Variants in NTM observed in about 807,000 individuals in gnomAD.
NTM encodes the protein neurotrimin.
In NTM, 13 loss-of-function variants were observed where a neutral mutation model predicts 42.1. That is an observed-to-expected ratio of 0.31 (90% CI 0.20 to 0.49). The LOEUF (loss-of-function observed/expected upper bound fraction) is 0.49. NTM is among the 20% of genes least tolerant of loss of function. The pLI, the probability that NTM is intolerant of heterozygous loss-of-function variation, is 0.99. For synonymous variants in NTM, 187 were observed against 179.2 expected (o/e 1.04, Z -0.35); for missense variants, 373 against 452.8 (o/e 0.82, Z 1.60).
intron 2 of NTM, among the ~76,000 whole-genome samples, chr11:132,124,826 A>G (rs1283112757): frequency 6.6e-6 from 1 of 152,162 alleles, no homozygotes; most frequent in Non-Finnish European, 1.5e-5. Context: ...CAAAAACAAA[A>G]AAACAACAAC....
At chr11:131,660,215 A>G (rs377575204) in intron 1 of NTM, 6 of 294,086 alleles carry the variant, frequency 2.0e-5, no homozygotes, top group South Asian at 1.7e-4. Context: ...TCATGTATTG[A>G]GGCAGGGGAC....
At chr11:132,140,801 G>A (rs539728059) in intron 2 of NTM, among the ~76,000 whole-genome samples, 15 of 152,204 alleles carry the variant, frequency 9.9e-5, no homozygotes, top group African/African-American at 2.7e-4. Context: ...CATTTGCGTC[G>A]TGATGTTCCC....
At chr11:132,260,673 T>C (rs2092792262) in intron 4 of NTM, among the ~76,000 whole-genome samples, 1 of 152,230 alleles carries the variant, frequency 6.6e-6, no homozygotes, top group South Asian at 2.1e-4. Flanking sequence ...AAAATGATTT[T>C]ATTCACAATC....
chr11:131,454,406 C>T (rs543950490), intron 1 of NTM, among the ~76,000 whole-genome samples: 6 of 152,146 alleles, frequency 3.9e-5, no homozygotes, highest in Non-Finnish European at 7.4e-5. Context: ...CTCTTAAAAA[C>T]AAAATATTTC....
At chr11:132,333,840 G>A (rs894900784) in intron 8 of NTM, among the ~76,000 whole-genome samples, 1 of 152,222 alleles carries the variant, frequency 6.6e-6, no homozygotes, top group African/African-American at 2.4e-5. Context: ...TATGGGCACT[G>A]CCTCCTAGCC....
At chr11:132,170,274 G>T (rs1487006588) in intron 3 of NTM, among the ~76,000 whole-genome samples, 3 of 152,186 alleles carry the variant, frequency 2.0e-5, no homozygotes, top group Non-Finnish European at 2.9e-5. Context: ...AGGTCATGGG[G>T]ATTCCAGATC....
At chr11:131,458,078 A>G (rs1951059013) in intron 1 of NTM, among the ~76,000 whole-genome samples, 1 of 152,238 alleles carries the variant, frequency 6.6e-6, no homozygotes, top group South Asian at 2.1e-4. Flanking sequence ...CTGGATCACT[A>G]GGGGATGAGT....
rs2069995021 is a variant in NTM, at chr11:132,003,746, C to G, written c.167+92098C>G. Among the ~76,000 whole-genome samples the G allele has an allele frequency of 1.3e-5, 2 of 151,488 alleles. No individual in the cohort carries two copies. Among genetic ancestry groups the G allele is most frequent in the African/African-American group, 4.8e-5 (2 of 41,240 alleles). On this transcript the variant is annotated intron_variant, in intron 2 of 8. Transcript: ENST00000683400. This position sits in a 1 kb window ranked among gnomAD's most constrained non-coding sequence, Gnocchi z 6.0. ...ATGGTACAAAACCCTCCTTAATTGC[C>G]TCCTTGGAATCTACACAGAGAAATC...
chr11:132,286,534 C>A (rs1274560152), intron 4 of NTM, among the ~76,000 whole-genome samples: 1 of 152,088 alleles, frequency 6.6e-6, no homozygotes, highest in Admixed American at 6.5e-5. Flanking sequence ...CACCCAAACA[C>A]ACACAGCCTC....
intron 2 of NTM, among the ~76,000 whole-genome samples, chr11:132,103,755 A>G (rs771758957): frequency 6.6e-6 from 1 of 152,146 alleles, no homozygotes; most frequent in Non-Finnish European, 1.5e-5. Context: ...TTTAGTCAAG[A>G]CACTTAATTC....
intron 1 of NTM, among the ~76,000 whole-genome samples, chr11:131,392,038 G>C (rs944931472): frequency 6.6e-6 from 1 of 152,336 alleles, no homozygotes; most frequent in African/African-American, 2.4e-5. Context: ...ATATTTGTCA[G>C]CGATAATTAG....
chr11:131,804,086 C>T (rs377039461), intron 1 of NTM, among the ~76,000 whole-genome samples: 1 of 152,148 alleles, frequency 6.6e-6, no homozygotes, highest in Non-Finnish European at 1.5e-5. Flanking sequence ...TTTAACTTTG[C>T]TATTTCGTAC....
intron 7 of NTM, among the ~76,000 whole-genome samples, chr11:132,317,460 A>G (rs1258154752): frequency 6.6e-6 from 1 of 152,128 alleles, no homozygotes; most frequent in African/African-American, 2.4e-5. Flanking sequence ...ATATGGAAAC[A>G]TAAAGCATGT....
rs377739708 is a variant in NTM, at chr11:131,432,839, C to CTTTTTTTTTTTTTTTTTTTTTTTTTTTTT, written c.82+61955_82+61983dup. On this transcript the variant is annotated intron_variant, in intron 1 of 8. Transcript: ENST00000683400. ...CTACAAAAGATGAAGATTTAGCATT[C>CTTTTTTTTTTTTTTTTTTTTTTTTTTTTT]TTTTTTTTTTTTTTTTTTTTTTTTT... is the stretch of plus-strand genomic sequence containing the variant. Among the ~76,000 whole-genome samples, 39 of 68,702 alleles carry CTTTTTTTTTTTTTTTTTTTTTTTTTTTTT rather than the reference C, an allele frequency of 5.7e-4. 4 individuals carry two copies. The highest frequency in any genetic ancestry group is 7.0e-4 in the Non-Finnish European group (27 of 38,812). 45.1% of individuals were successfully genotyped at this position (68,702 alleles called of 152,430 possible).
chr11:132,017,256 A>T (rs772658188), intron 2 of NTM, among the ~76,000 whole-genome samples: 1 of 152,006 alleles, frequency 6.6e-6, no homozygotes, highest in Non-Finnish European at 1.5e-5. Flanking sequence ...TCTCCTAGAA[A>T]TATCACAATG....
chr11:132,237,619 T>C (rs2089279769), intron 4 of NTM, among the ~76,000 whole-genome samples: 1 of 152,168 alleles, frequency 6.6e-6, no homozygotes, highest in Admixed American at 6.5e-5. Flanking sequence ...AGGGCTACAC[T>C]GTGGAGACGG....
chr11:131,921,613 T>C (rs909263143), intron 2 of NTM, among the ~76,000 whole-genome samples: 1 of 152,132 alleles, frequency 6.6e-6, no homozygotes, highest in African/African-American at 2.4e-5. Context: ...ATAATTTTGT[T>C]AAATAATAGT....
chr11:132,104,386 G>T (rs376996266), intron 2 of NTM, among the ~76,000 whole-genome samples: 58 of 151,056 alleles, frequency 3.8e-4, no homozygotes, highest in African/African-American at 1.4e-3. Flanking sequence ...CATCCTTCCT[G>T]TTCATGTATT....
intron 2 of NTM, among the ~76,000 whole-genome samples, chr11:132,062,202 C>T (rs745577670): frequency 9.9e-5 from 15 of 152,142 alleles, no homozygotes; most frequent in Non-Finnish European, 1.9e-4. Context: ...GTAAACCTGC[C>T]TCAAAGATGT....
Sources: allele counts gnomAD v4.1 joint callset (sites outside exome capture counted in the v4.1 genomes callset), GRCh38; gene constraint gnomAD v4.1.1; non-coding constraint Gnocchi (gnomAD v3.1); transcripts MANE v1.5; gene names NCBI Gene and HGNC (gene_info 2026-07-23, HGNC 2026-07-21).